The following RTN4RL1 variants were observed in gnomAD, a reference collection of about 807,000 sequenced individuals.
RTN4RL1 encodes reticulon-4 receptor-like 1.
Under a neutral mutation model 25.6 loss-of-function variants are expected in RTN4RL1, and 7 were observed. That is an observed-to-expected ratio of 0.27 (90% CI 0.16 to 0.51). The LOEUF (loss-of-function observed/expected upper bound fraction) is 0.51. RTN4RL1 is among the 20% of genes least tolerant of loss of function. The pLI is 0.97. For missense variants in RTN4RL1, 500 were observed against 615.6 expected (o/e 0.81, Z 1.99); for synonymous variants, 297 against 288.2 (o/e 1.03, Z -0.31).
intron 1 of RTN4RL1, among the ~76,000 whole-genome samples, chr17:1,990,415 G>T (rs575805232): frequency 4.6e-4 from 70 of 152,116 alleles, no homozygotes; most frequent in African/African-American, 1.5e-3. Context: ...GTTCTTGTAG[G>T]CCGGGCATGG....
At chr17:1,948,180 A>G (rs1484635532) in intron 1 of RTN4RL1, among the ~76,000 whole-genome samples, 1 of 152,194 alleles carries the variant, frequency 6.6e-6, no homozygotes, top group Non-Finnish European at 1.5e-5. Flanking sequence ...CTGCAGGTGG[A>G]AACAGCGCAC....
chr17:1,975,906 T>C (rs2066840854), intron 1 of RTN4RL1, among the ~76,000 whole-genome samples: 1 of 148,920 alleles, frequency 6.7e-6, no homozygotes, highest in Non-Finnish European at 1.5e-5. Flanking sequence ...AGCCCACCCC[T>C]GAGACCAGAA....
Position 1,982,435 on chromosome 17 carries a change from A to C in RTN4RL1, c.13+42418T>G, listed in dbSNP as rs2066871302. Reference sequence around the variant, plus strand: ...AGACCATCCTGGCTAACACGGTGAAACCTCATCTCTACTATAAATACAAAA... The same window carrying C: ...AGACCATCCTGGCTAACACGGTGAACCCTCATCTCTACTATAAATACAAAA... On this transcript the variant is annotated intron_variant, in intron 1 of 1. Transcript: ENST00000331238. Among the ~76,000 whole-genome samples the C allele has an allele frequency of 3.9e-5, 6 of 152,006 alleles. No individual in the cohort carries two copies. The South Asian group carries it at 6.2e-4, about 16-fold the overall frequency.
intron 1 of RTN4RL1, among the ~76,000 whole-genome samples, chr17:1,983,761 C>T (rs1163737870): frequency 1.3e-5 from 2 of 150,984 alleles, no homozygotes; most frequent in Non-Finnish European, 3.0e-5. Context: ...AGGATGGTCT[C>T]GAACTCCTGG....
intron 1 of RTN4RL1, among the ~76,000 whole-genome samples, chr17:1,969,827 A>T (rs1219808705): frequency 6.6e-6 from 1 of 152,116 alleles, no homozygotes; most frequent in Admixed American, 6.6e-5. Flanking sequence ...AAAAAAAGTT[A>T]ATGATCTCAT....
At chr17:2,023,202 G>T in intron 1 of RTN4RL1, among the ~76,000 whole-genome samples, 1 of 152,184 alleles carries the variant, frequency 6.6e-6, no homozygotes, top group East Asian at 1.9e-4. Context: ...CTCGACCGGG[G>T]CAAGTTTGCA....
chr17:1,958,495 G>A (rs752330559), intron 1 of RTN4RL1, among the ~76,000 whole-genome samples: 10 of 152,226 alleles, frequency 6.6e-5, no homozygotes, highest in African/African-American at 9.6e-5. Context: ...TGGACAAGGC[G>A]GTTGGGGAAG....
At chr17:1,980,119 A>G (rs1412260918) in intron 1 of RTN4RL1, among the ~76,000 whole-genome samples, 1 of 150,730 alleles carries the variant, frequency 6.6e-6, no homozygotes, top group Non-Finnish European at 1.5e-5. Flanking sequence ...CCTGGAGTGC[A>G]GTGCCACAAT....
intron 1 of RTN4RL1, among the ~76,000 whole-genome samples, chr17:1,958,372 G>A (rs149532773): frequency 3.5e-4 from 53 of 152,172 alleles, no homozygotes; most frequent in African/African-American, 1.2e-3. Context: ...CAGGCACCCC[G>A]TCCCCACCTC....
At chr17:2,010,343 G>T (rs1287967147) in intron 1 of RTN4RL1, among the ~76,000 whole-genome samples, 2 of 152,082 alleles carry the variant, frequency 1.3e-5, no homozygotes, top group African/African-American at 2.4e-5. Context: ...CAGGCACGAT[G>T]GCAGGCGTCT....
chr17:1,987,838 G>C (rs1311515056), intron 1 of RTN4RL1, among the ~76,000 whole-genome samples: 1 of 152,144 alleles, frequency 6.6e-6, no homozygotes, highest in Admixed American at 6.6e-5. Context: ...GGGTGCGGTA[G>C]CTCACGCCTG....
intron 1 of RTN4RL1, among the ~76,000 whole-genome samples, chr17:1,943,331 C>T (rs558487639): frequency 6.6e-6 from 1 of 152,358 alleles, no homozygotes; most frequent in Admixed American, 6.5e-5. Context: ...GCGTCCTCCA[C>T]GAAGGGCTGG....
intron 1 of RTN4RL1, among the ~76,000 whole-genome samples, chr17:1,941,651 C>T (rs1279297006): frequency 6.6e-6 from 1 of 152,070 alleles, no homozygotes; most frequent in Non-Finnish European, 1.5e-5. Flanking sequence ...ACCTTGGGTA[C>T]TGCCCAGATG....
chr17:1,999,251 T>C (rs554456177), intron 1 of RTN4RL1, among the ~76,000 whole-genome samples: 1 of 151,182 alleles, frequency 6.6e-6, no homozygotes, highest in Non-Finnish European at 1.5e-5. Context: ...TTGGAGACCA[T>C]CCTGGCCAAC....
chr17:2,004,235 G>A (rs2066978153), intron 1 of RTN4RL1, among the ~76,000 whole-genome samples: 1 of 151,320 alleles, frequency 6.6e-6, no homozygotes, highest in Non-Finnish European at 1.5e-5. Context: ...GGGTGTGGTG[G>A]CGGGCGCCTG....
rs1044789918 is a variant in RTN4RL1, at chr17:1,946,011, G to A, written c.14-8203C>T. Among the ~76,000 whole-genome samples the A allele has an allele frequency of 1.6e-4, 25 of 152,150 alleles. 1 individual carries two copies. The highest frequency in any genetic ancestry group is 6.2e-4 in the South Asian group (3 of 4,828). On this transcript the variant is annotated intron_variant, in intron 1 of 1. Transcript: ENST00000331238. Reference sequence around the variant, plus strand: ...CCTCCAGGGTGAGAGCAGAGACTAGGCCCTGGCTCTATCTGGAGGCTTCCT... The same window carrying A: ...CCTCCAGGGTGAGAGCAGAGACTAGACCCTGGCTCTATCTGGAGGCTTCCT...
rs115455616 is a variant in RTN4RL1 at position 1,941,259 on chromosome 17, A to G, written c.14-3451T>C. The stretch of plus-strand genomic sequence containing the variant: ...AAAGCAGGTGCCTCCAAGGGATGTC[A>G]GGAAACAGGGGACACCAGGCAAGGA... On this transcript the variant is annotated intron_variant, in intron 1 of 1. Transcript: ENST00000331238. Among the ~76,000 whole-genome samples the G allele has an allele frequency of 2.9e-3, 441 of 152,364 alleles. 6 individuals carry two copies. Among genetic ancestry groups the G allele is most frequent in the African/African-American group, 0.01 (428 of 41,588 alleles).
intron 1 of RTN4RL1, among the ~76,000 whole-genome samples, chr17:1,989,613 G>A (rs1452852295): frequency 1.3e-5 from 2 of 151,840 alleles, no homozygotes; most frequent in African/African-American, 2.4e-5. Context: ...TTGCTCTGTC[G>A]CCCAGGCTGG....
intron 1 of RTN4RL1, among the ~76,000 whole-genome samples, chr17:1,945,462 C>T (rs982345691): frequency 2.6e-5 from 4 of 152,130 alleles, no homozygotes; most frequent in Non-Finnish European, 5.9e-5. Context: ...ACCTCTTGAT[C>T]CACCGCCTTG....
Sources: gnomAD v4.1 joint callset for allele counts (sites outside exome capture counted in the v4.1 genomes callset) on GRCh38, gnomAD v4.1.1 for gene constraint, MANE v1.5 for transcripts, NCBI Gene and HGNC (gene_info 2026-07-23, HGNC 2026-07-21) for gene names.